The following FGD5 variants were observed in gnomAD, a reference collection of about 807,000 sequenced individuals.
The protein encoded by FGD5 is FYVE, RhoGEF and PH domain-containing protein 5.
A neutral mutation model predicts 133.4 loss-of-function variants in FGD5; 28 were observed. The ratio of observed to expected loss-of-function variants is 0.21; its 90% CI spans 0.16 to 0.29. The LOEUF is 0.29. Ranked by LOEUF, FGD5 falls within the 10% of genes least tolerant of loss-of-function variation. The pLI, the probability that FGD5 is intolerant of heterozygous loss-of-function variation, is 1.00. For missense variants in FGD5, 1,858 were observed against 1,895.2 expected (o/e 0.98, Z 0.36); for synonymous variants, 810 against 776.5 (o/e 1.04, Z -0.72).
chr3:14,901,280 G>A (rs889684363), intron 9 of FGD5, among the ~76,000 whole-genome samples: 1 of 152,228 alleles, frequency 6.6e-6, no homozygotes, highest in Non-Finnish European at 1.5e-5. Flanking sequence ...TTCAAACAAT[G>A]AGAGGAATGC....
chr3:14,843,810 C>G (rs945893675), intron 1 of FGD5, among the ~76,000 whole-genome samples: 1 of 150,132 alleles, frequency 6.7e-6, no homozygotes, highest in African/African-American at 2.5e-5. Flanking sequence ...CGTGCCTCAA[C>G]CTCCTGAGTA....
At chr3:14,882,631 G>A (rs939259140) in intron 4 of FGD5, among the ~76,000 whole-genome samples, 2 of 151,604 alleles carry the variant, frequency 1.3e-5, no homozygotes, top group Admixed American at 1.3e-4. Context: ...CCAGGAGAAG[G>A]AGGTTGCAGT....
rs931597932 is a variant in FGD5 at position 14,819,348 on chromosome 3, G to A, written c.277G>A (p.Glu93Lys). The change falls in exon 1 of 20, where the codon GAG becomes AAG. Residue 93 changes from glutamate to lysine, a missense_variant. By Grantham distance (56) the Glu-to-Lys change is moderately conservative. This residue lies in a region of FGD5 where 1,824 missense variants were observed against 1,848.9 expected (regional missense o/e 0.99). Coordinates refer to ENST00000285046, the MANE Select transcript of FGD5 (RefSeq NM_152536.4). The surrounding 1 kb of genome is among the most constrained non-coding windows in gnomAD (Gnocchi z 4.1). ...GGGGAACAAAGCCCTGGTGTCTCCC[G>A]AGTCCTCTGCGGAAGAGGAAGAGGA... Reference protein sequence around the residue: ...SVGNKALVSPESSAEEEEERE... With the variant: ...SVGNKALVSPKSSAEEEEERE... 14 of 1,547,362 alleles carry A rather than the reference G, an allele frequency of 9.0e-6. No homozygotes were observed. The highest frequency in any genetic ancestry group is 4.9e-5 in the East Asian group (2 of 40,914).
intron 1 of FGD5, among the ~76,000 whole-genome samples, chr3:14,826,889 T>C (rs1441356952): frequency 6.6e-6 from 1 of 152,164 alleles, no homozygotes; most frequent in Non-Finnish European, 1.5e-5. Flanking sequence ...GGATGTGGCA[T>C]GAACTGTACC....
At chr3:14,907,554 C>G in intron 9 of FGD5, 86 bp from the exon 10 acceptor site, 1 of 1,266,792 alleles carries the variant, frequency 7.9e-7, no homozygotes, top group East Asian at 2.4e-5. Context: ...TTGTCTGAAA[C>G]AGAAGCAACG....
chr3:14,870,346 T>C (rs2037582113), intron 2 of FGD5, among the ~76,000 whole-genome samples: 1 of 152,106 alleles, frequency 6.6e-6, no homozygotes, highest in South Asian at 2.1e-4. Context: ...GCCATGGCCA[T>C]ATTGAAGCCT....
chr3:14,921,150 A>G (rs1344670748), intron 13 of FGD5, among the ~76,000 whole-genome samples: 2 of 152,210 alleles, frequency 1.3e-5, no homozygotes, highest in African/African-American at 4.8e-5. Flanking sequence ...GACCCTTCAC[A>G]CTTGAAGCTC....
rs1346639255 is a variant in FGD5 at position 14,932,588 on chromosome 3, C to G, written c.4209C>G (p.Ala1403=). Residue 1403 remains alanine (A), a synonymous_variant, in exon 19 of 20, where the codon GCC becomes GCG. Coordinates refer to ENST00000285046, the MANE Select transcript of FGD5 (RefSeq NM_152536.4). ...TCTGTCCTCTGCAGGACAAAGTGGC[C>G]TTGGAGAGTATGCCTCTGCTAGGCT... The part of the protein sequence containing the change: ...YTYMASEDKV[A]LESMPLLGFT... 2 of 1,613,462 alleles carry G rather than the reference C, an allele frequency of 1.2e-6. No individual in the cohort carries two copies. Among genetic ancestry groups the G allele is most frequent in the South Asian group, 1.1e-5 (1 of 90,998 alleles).
At chr3:14,889,171 G>A (rs140384593) in intron 4 of FGD5, among the ~76,000 whole-genome samples, 37 of 152,206 alleles carry the variant, frequency 2.4e-4, no homozygotes, top group East Asian at 7.7e-4. Context: ...AATGGGGAGC[G>A]CTTGCTTGTC....
chr3:14,915,573 C>T (rs956400224), intron 11 of FGD5, among the ~76,000 whole-genome samples: 1 of 152,148 alleles, frequency 6.6e-6, no homozygotes, highest in East Asian at 1.9e-4. Flanking sequence ...AGGGCTCTCT[C>T]TGGTTCATGT....
rs756963147 is a variant in FGD5 at position 14,897,576 on chromosome 3, G to C, written c.2816G>C (p.Arg939Pro). Residue 939 changes from arginine to proline, a missense_variant, in exon 5 of 20, where the codon CGG becomes CCG. This residue lies in a region of FGD5 where 1,824 missense variants were observed against 1,848.9 expected (regional missense o/e 0.99). Coordinates refer to ENST00000285046, the MANE Select transcript of FGD5 (RefSeq NM_152536.4). ...CATGAAGGCAGAGACACATTGGCCC[G>C]GGAGGAGCTGAGGCAGGGCCTGAGT... ...MDHEGRDTLA[R>P]EELRQGLSEL... 1.4e-5 allele frequency: 22 copies of C among 1,604,806 alleles called. No individual in the cohort carries two copies. The South Asian group carries it at 2.4e-4, about 17-fold the overall frequency.
At chr3:14,905,974 G>T in intron 9 of FGD5, among the ~76,000 whole-genome samples, 1 of 152,034 alleles carries the variant, frequency 6.6e-6, no homozygotes, top group East Asian at 1.9e-4. Flanking sequence ...CAGGGCAGTC[G>T]GGTCAGTCCA....
chr3:14,924,630 C>T (rs778909813), intron 17 of FGD5, among the ~76,000 whole-genome samples: 6 of 152,162 alleles, frequency 3.9e-5, no homozygotes, highest in Non-Finnish European at 8.8e-5. Flanking sequence ...CAACCACAGA[C>T]CAATGTATGT....
At chr3:14,861,101 A>G (rs1360128259) in intron 1 of FGD5, among the ~76,000 whole-genome samples, 1 of 152,210 alleles carries the variant, frequency 6.6e-6, no homozygotes, top group Admixed American at 6.5e-5. Context: ...AGTTAACTTA[A>G]AGAAAACATG....
chr3:14,810,741 A>G (rs1373425191), upstream of FGD5: 11 of 911,260 alleles, frequency 1.2e-5, no homozygotes, highest in Non-Finnish European at 1.3e-5. Context: ...GGCGGGCGCC[A>G]GGGGGTGCGG....
chr3:14,923,841 C>T, intron 16 of FGD5, 167 bp from the exon 17 acceptor site: 3 of 879,850 alleles, frequency 3.4e-6, no homozygotes, highest in Non-Finnish European at 5.2e-6. Context: ...CCCCCATAGC[C>T]TTTGTCTGTT....
In FGD5 at chr3:14,819,957, C is replaced by G; in HGVS notation, c.886C>G (p.Pro296Ala). 6.2e-7 allele frequency: 1 copy of G among 1,613,886 alleles called. No individual in the cohort carries two copies. Among genetic ancestry groups the G allele is most frequent in the Non-Finnish European group, 8.5e-7 (1 of 1,179,852 alleles). The change falls in exon 1 of 20, where the codon CCA becomes GCA. Residue 296 changes from proline to alanine, a missense_variant. Physicochemically the swap from Pro to Ala is conservative, Grantham distance 27. Coordinates refer to ENST00000285046, the MANE Select transcript of FGD5 (RefSeq NM_152536.4). The surrounding 1 kb of genome is among the most constrained non-coding windows in gnomAD (Gnocchi z 4.1). ...TGGGGAACAGGTTGACCTCAGTGAACCACCTGACCACGAGAAGAAAACCAA... is the reference window on the plus strand; with the variant it reads ...TGGGGAACAGGTTGACCTCAGTGAAGCACCTGACCACGAGAAGAAAACCAA... ...TGGEQVDLSE[P>A]PDHEKKTNQE... is the part of the protein sequence containing the mutation.
upstream of FGD5, among the ~76,000 whole-genome samples, chr3:14,818,330 C>T (rs1385229465): frequency 6.6e-6 from 1 of 152,216 alleles, no homozygotes; most frequent in Non-Finnish European, 1.5e-5. Context: ...GCACACATCA[C>T]TCTTTCAAAC....
intron 5 of FGD5, 52 bp from the exon 6 acceptor site, chr3:14,897,887 C>A: frequency 6.2e-7 from 1 of 1,606,948 alleles, no homozygotes. Flanking sequence ...TCTAACCCTG[C>A]GTTGGTTACA....
Sources: allele counts gnomAD v4.1 joint callset (sites outside exome capture counted in the v4.1 genomes callset), GRCh38; gene constraint gnomAD v4.1.1; regional missense constraint gnomAD v4.1.1; non-coding constraint Gnocchi (gnomAD v3.1); transcripts MANE v1.5; gene names NCBI Gene and HGNC (gene_info 2026-07-23, HGNC 2026-07-21).